TENM1: variants seen among roughly 807,000 people sequenced by gnomAD.
The protein encoded by TENM1 is teneurin transmembrane protein 1.
A neutral mutation model predicts 174.8 loss-of-function variants in TENM1; 35 were observed. The observed-to-expected ratio is 0.20, with a 90% CI of 0.15 to 0.27. The LOEUF is 0.27. Among genes scored for constraint, TENM1 ranks in the 10% least tolerant of loss-of-function variants. TENM1 has a pLI of 1.00. For missense variants in TENM1, 1,633 were observed against 2,130.1 expected (o/e 0.77, Z 4.59); for synonymous variants, 781 against 798.7 (o/e 0.98, Z 0.37).
chrX:124,908,177 TTTTAC>T (rs2057779001), intron 1 of TENM1, among the ~76,000 whole-genome samples: 2 of 112,059 alleles, frequency 1.8e-5, no homozygotes, highest in South Asian at 3.7e-4. Flanking sequence ...TTAAATTTTA[TTTTAC>T]TTTAAGTTCA....
In TENM1 at chrX:124,854,178, A is replaced by T. The variant is rs955090423; in HGVS notation, c.535+40118T>A. Among the ~76,000 whole-genome samples the T allele has an allele frequency of 3.6e-5, 4 of 111,302 alleles. 1 individual carries two copies. Among genetic ancestry groups the T allele is most frequent in the African/African-American group, 1.3e-4 (4 of 30,491 alleles). The stretch of plus-strand genomic sequence containing the variant: ...CCTGTCAGAAAATAGAGGCAGATAA[A>T]ATGGAAAGAAATAATGGTATTTGCA... On this transcript the variant is annotated intron_variant, in intron 3 of 31. Coordinates refer to ENST00000422452, the Ensembl canonical transcript of TENM1.
At chrX:124,982,930 G>T in the TENM1 span, among the ~76,000 whole-genome samples, 1 of 112,032 alleles carries the variant, frequency 8.9e-6, no homozygotes, top group Admixed American at 9.5e-5. Context: ...TCCAGAGTGA[G>T]CTCGGTTCTA....
In TENM1 at chrX:124,903,311, AT is replaced by A. The variant is rs1487229431; in HGVS notation, c.218-7071del. Among the ~76,000 whole-genome samples, 6 of 111,951 alleles carry A rather than the reference AT, an allele frequency of 5.4e-5. No homozygotes were observed. In the South Asian group the frequency reaches 1.1e-3, roughly 21 times the overall value. ...TGACCAATATTAGCTAACTGGAGAC[AT>A]CCCAGAATGCAGTTAAAAGGCTATG... On this transcript the variant is annotated intron_variant, in intron 1 of 31. Transcript: ENST00000422452.
intron 23 of TENM1, among the ~76,000 whole-genome samples, 191 bp downstream of exon 26, chrX:124,453,146 C>T (rs1306099960): frequency 1.8e-5 from 2 of 111,906 alleles, no homozygotes; most frequent in East Asian, 2.8e-4. Flanking sequence ...CTTCCATCCT[C>T]GCTTACCATT....
At chrX:125,061,409 C>A in the TENM1 span, among the ~76,000 whole-genome samples, 1 of 111,908 alleles carries the variant, frequency 8.9e-6, no homozygotes, top group Non-Finnish European at 1.9e-5. Flanking sequence ...TCACTTAATT[C>A]CACAAGGATT....
intron 3 of TENM1, among the ~76,000 whole-genome samples, chrX:124,884,820 T>G (rs2147528680): frequency 8.9e-6 from 1 of 112,044 alleles, no homozygotes; most frequent in African/African-American, 3.2e-5. Context: ...CATGCATTTC[T>G]TAACGACACG....
chrX:124,754,055 A>G (rs2054159002), intron 3 of TENM1, among the ~76,000 whole-genome samples: 1 of 111,492 alleles, frequency 9.0e-6, no homozygotes, highest in African/African-American at 3.3e-5. Context: ...ATAGTTTCAG[A>G]AGGAATGGTA....
chrX:125,170,311 A>G, the TENM1 span, among the ~76,000 whole-genome samples: 1 of 111,367 alleles, frequency 9.0e-6, no homozygotes, highest in Non-Finnish European at 1.9e-5. Flanking sequence ...AGAGACATCC[A>G]CCACTGATAC....
At chrX:124,653,861 C>T in intron 6 of TENM1, 78 bp from the exon 10 acceptor site, 2 of 859,770 alleles carry the variant, frequency 2.3e-6, no homozygotes, top group Non-Finnish European at 3.3e-6. Context: ...TTTTCAAGAA[C>T]AGATATATCA....
intron 3 of TENM1, among the ~76,000 whole-genome samples, chrX:124,783,612 A>T (rs2054968347): frequency 8.9e-6 from 1 of 112,055 alleles, no homozygotes; most frequent in Non-Finnish European, 1.9e-5. Context: ...CAATAAAAAA[A>T]TCGATGACCT....
chrX:124,518,391 G>A lies in TENM1; in HGVS notation c.3301+2126C>T, dbSNP rs188715758. Among the ~76,000 whole-genome samples the A allele has an allele frequency of 6.8e-3, 678 of 99,202 alleles. 6 individuals carry two copies. The highest frequency in any genetic ancestry group is 0.024 in the African/African-American group (635 of 26,985). 86.1% of individuals were successfully genotyped at this position (99,202 alleles called of 115,157 possible). A position where few individuals can be genotyped will look rare whatever the true frequency, so the allele number is the denominator to read the frequency against. Reference sequence around the variant, plus strand: ...AGGACAGAAAAGAGATTATGCGTGTGTGTGTGTTTGTTGGGGGCGGAGGGG... The same window carrying A: ...AGGACAGAAAAGAGATTATGCGTGTATGTGTGTTTGTTGGGGGCGGAGGGG... On this transcript the variant is annotated intron_variant, in intron 18 of 31. Coordinates refer to ENST00000422452, the Ensembl canonical transcript of TENM1.
At chrX:125,035,222 A>G in the TENM1 span, among the ~76,000 whole-genome samples, 3 of 111,402 alleles carry the variant, frequency 2.7e-5, no homozygotes, top group African/African-American at 9.8e-5. Flanking sequence ...TTCAAGTCCT[A>G]TAATTTTAAA....
chrX:124,641,093 G>C (rs2051007157), intron 11 of TENM1, among the ~76,000 whole-genome samples: 1 of 111,291 alleles, frequency 9.0e-6, no homozygotes, highest in African/African-American at 3.3e-5. Context: ...AGCATCTCAT[G>C]AAGAGGAAAA....
At chrX:125,061,912 A>G in the TENM1 span, among the ~76,000 whole-genome samples, 2 of 112,083 alleles carry the variant, frequency 1.8e-5, no homozygotes, top group African/African-American at 6.5e-5. Context: ...AGATGTTCTG[A>G]AACTGTATCA....
chrX:124,883,719 C>G (rs189761162), intron 3 of TENM1, among the ~76,000 whole-genome samples: 261 of 111,946 alleles, frequency 2.3e-3, no homozygotes, highest in African/African-American at 8.1e-3. Flanking sequence ...GCAGGTTGGA[C>G]AGGCCAATTC....
intron 11 of TENM1, among the ~76,000 whole-genome samples, chrX:124,632,783 A>G (rs2050791656): frequency 8.9e-6 from 1 of 112,107 alleles, no homozygotes; most frequent in South Asian, 3.7e-4. Flanking sequence ...TTATTACAGG[A>G]ATAGTATCAT....
the TENM1 span, among the ~76,000 whole-genome samples, chrX:125,178,327 G>A: frequency 9.0e-6 from 1 of 111,442 alleles, no homozygotes; most frequent in Non-Finnish European, 1.9e-5. Flanking sequence ...TGATTTACCA[G>A]TACAACTGCC....
intron 11 of TENM1, among the ~76,000 whole-genome samples, chrX:124,589,113 T>C (rs929706486): frequency 1.9e-5 from 2 of 106,356 alleles, no homozygotes; most frequent in African/African-American, 6.8e-5. Context: ...TTTTTTATCA[T>C]GAAGGTATTT....
At chrX:124,849,676 C>A (rs1285429897) in intron 3 of TENM1, among the ~76,000 whole-genome samples, 2 of 111,671 alleles carry the variant, frequency 1.8e-5, no homozygotes, top group Admixed American at 1.9e-4. Context: ...AGACCCTGAG[C>A]AGAGGACCCA....
Sources: gnomAD v4.1 joint callset for allele counts (sites outside exome capture counted in the v4.1 genomes callset) on GRCh38, gnomAD v4.1.1 for gene constraint, MANE v1.5 for transcripts, NCBI Gene and HGNC (gene_info 2026-07-23, HGNC 2026-07-21) for gene names.